ALOX12: variants seen among roughly 807,000 people sequenced by gnomAD.
ALOX12 encodes polyunsaturated fatty acid lipoxygenase ALOX12.
In ALOX12, 62 loss-of-function variants were observed where a neutral mutation model predicts 85.5. The ratio of observed to expected loss-of-function variants is 0.73; its 90% confidence interval spans 0.59 to 0.90. The LOEUF is 0.90. Ranked by LOEUF, ALOX12 falls within the 40% of genes least tolerant of loss-of-function variation. ALOX12 has a pLI of 0.00. For synonymous variants in ALOX12, 299 were observed against 332.7 expected (o/e 0.90, Z 1.10); for missense variants, 751 against 856.5 (o/e 0.88, Z 1.54).
At chr17:6,996,273 G>GAGCTAGGGC in intron 1 of ALOX12, 21 bp downstream of exon 1, 1 of 1,229,216 alleles carries the variant, frequency 8.1e-7, no homozygotes, top group Non-Finnish European at 1.0e-6. Flanking sequence ...GGAGCGAGGG[G>GAGCTAGGGC]AGCTAGGGCA....
At chr17:7,002,606 A>G in intron 8 of ALOX12, 1 of 438,016 alleles carries the variant, frequency 2.3e-6, no homozygotes, top group South Asian at 1.7e-5. Context: ...TGGGCAACAC[A>G]GCAAGTCCCG....
At position 6,997,041 on chromosome 17, in the gene ALOX12, G is replaced by C; in HGVS notation, c.337+14G>C. On this transcript the variant is annotated intron_variant, in intron 2 of 13. Transcript: ENST00000251535. ...CCGAGGGCACCGGTGAGCAGGCGGC[G>C]TCGGGGAAGGAGGCACAAGGTCTCG... 1 of 1,527,850 alleles carries C rather than the reference G, an allele frequency of 6.5e-7. No individual in the cohort carries two copies. Among genetic ancestry groups the C allele is most frequent in the Non-Finnish European group, 8.8e-7 (1 of 1,134,644 alleles). The allele number at this position is 1,527,850 out of a possible 1,614,324, so 94.6% of individuals were successfully genotyped here.
intron 11 of ALOX12, among the ~76,000 whole-genome samples, 200 bp downstream of exon 11, chr17:7,006,807 G>C (rs1020693982): frequency 3.3e-5 from 5 of 151,962 alleles, no homozygotes; most frequent in Non-Finnish European, 7.4e-5. Flanking sequence ...CCTCCTCAGA[G>C]ACCCTGGCCA....
chr17:6,997,184 A>G, intron 2 of ALOX12, 157 bp downstream of exon 2: 3 of 980,396 alleles, frequency 3.1e-6, no homozygotes, highest in Non-Finnish European at 3.6e-6. Flanking sequence ...GAAAACGGGA[A>G]GGAGTTATGA....
At chr17:6,999,131 G>GT (rs2151639530) in intron 5 of ALOX12, 75 bp downstream of exon 5, 1 of 1,517,544 alleles carries the variant, frequency 6.6e-7, no homozygotes, top group East Asian at 2.3e-5. Flanking sequence ...ACAGTCCCCC[G>GT]TAACTCTTTG....
intron 9 of ALOX12, among the ~76,000 whole-genome samples, chr17:7,005,634 C>G (rs1025552878): frequency 2.0e-5 from 3 of 151,934 alleles, no homozygotes; most frequent in Non-Finnish European, 2.9e-5. Flanking sequence ...GCGCCCGCCA[C>G]CATGCCCAGC....
rs771053399 is a variant in ALOX12 at position 7,005,361 on chromosome 17, C to T, written c.1248+18C>T. The T allele has an allele frequency of 1.3e-6, 2 of 1,588,102 alleles. No individual in the cohort carries two copies. Among genetic ancestry groups the T allele is most frequent in the South Asian group, 1.1e-5 (1 of 90,568 alleles). ...TTGATAAGGTGAGGAGGGTACGGGG[C>T]ATGGGACTGCCTCATCCATCTCTCC... On this transcript the variant is annotated intron_variant, in intron 9 of 13. Coordinates refer to ENST00000251535, the MANE Select transcript of ALOX12 (RefSeq NM_000697.3).
intron 2 of ALOX12, among the ~76,000 whole-genome samples, chr17:6,997,769 C>T (rs947077031): frequency 1.3e-5 from 2 of 151,854 alleles, no homozygotes; most frequent in Admixed American, 6.6e-5. Flanking sequence ...ACCGTATTAG[C>T]CAGGATGGTC....
intron 11 of ALOX12, 29 bp downstream of exon 11, chr17:7,006,636 C>G (rs759381245): frequency 1.3e-6 from 2 of 1,538,776 alleles, no homozygotes; most frequent in Non-Finnish European, 1.8e-6. Context: ...ACAGAAGAAG[C>G]TCCTGGGAGA....
At position 7,001,742 on chromosome 17, in the gene ALOX12, T is replaced by G. The variant is rs1042357; in HGVS notation, c.1092T>G (p.Thr364=). 0.58 allele frequency: 933,178 copies of G among 1,613,744 alleles called. 271,121 individuals carry two copies. Among genetic ancestry groups the G allele is most frequent in the Admixed American group, 0.68 (40,811 of 59,990 alleles). Residue 364 remains threonine (T), a synonymous_variant, in exon 8 of 14, where the codon ACT becomes ACG. Transcript: ENST00000251535. ...LHEIQYHLLN[T]HLVAEVIAVA... ...AGATCCAGTATCACTTGCTGAACAC[T>G]CACCTGGTGGCTGAGGTCATCGCTG... is the stretch of plus-strand genomic sequence containing the variant.
intron 7 of ALOX12, 111 bp from the exon 8 acceptor site, chr17:7,001,491 C>A: frequency 8.7e-7 from 1 of 1,150,308 alleles, no homozygotes. Flanking sequence ...TCCTGCTAGA[C>A]TATAACCTCC....
chr17:6,999,130 C>T (rs976475425), intron 5 of ALOX12, 74 bp downstream of exon 5: 31 of 1,520,842 alleles, frequency 2.0e-5, no homozygotes, highest in South Asian at 1.1e-4. Context: ...CACAGTCCCC[C>T]GTAACTCTTT....
At chr17:7,001,907 G>A in intron 8 of ALOX12, 96 bp downstream of exon 8, 1 of 1,073,464 alleles carries the variant, frequency 9.3e-7, no homozygotes, top group Non-Finnish European at 1.4e-6. Flanking sequence ...ACTCTTTGTA[G>A]CAATTTGTGA....
Position 7,010,544 on chromosome 17 carries a change from C to T in ALOX12, c.*121C>T, listed in dbSNP as rs935718128. On this transcript the variant is annotated 3_prime_UTR_variant, in exon 14 of 14. Transcript: ENST00000251535. ...GGCTCTATTTCCTCCCCCAGTTAAA[C>T]CCCCTACATTAGTATCCCACTAGCC... 1 of 1,237,744 alleles carries T rather than the reference C, an allele frequency of 8.1e-7. No individual in the cohort carries two copies. The highest frequency in any genetic ancestry group is 2.0e-4 in the Middle Eastern group (1 of 5,052). The allele number at this position is 1,237,744 out of a possible 1,614,324, so 76.7% of individuals were successfully genotyped here.
chr17:7,004,757 C>A (rs1312255947), intron 8 of ALOX12, among the ~76,000 whole-genome samples: 6 of 152,042 alleles, frequency 3.9e-5, no homozygotes, highest in Non-Finnish European at 8.8e-5. Flanking sequence ...GGAGATGCAG[C>A]TTTGATCATA....
At chr17:7,009,709 A>G (rs1909286949) in intron 11 of ALOX12, 38 bp from the exon 12 acceptor site, 2 of 1,550,884 alleles carry the variant, frequency 1.3e-6, no homozygotes, top group East Asian at 4.5e-5. Flanking sequence ...CTCTCCTCTT[A>G]TGCTGTAGCT....
chr17:6,997,851 C>G (rs997796731), intron 2 of ALOX12, among the ~76,000 whole-genome samples: 3 of 152,008 alleles, frequency 2.0e-5, no homozygotes, highest in Non-Finnish European at 4.4e-5. Flanking sequence ...TGAGCCACCA[C>G]GCCCGGCCCA....
chr17:7,002,914 T>C (rs995508960), intron 8 of ALOX12, among the ~76,000 whole-genome samples: 3 of 152,184 alleles, frequency 2.0e-5, no homozygotes, highest in Non-Finnish European at 2.9e-5. Context: ...TATGCAAGTA[T>C]GTCCTGGGTA....
chr17:7,006,057 G>T (rs764673157), intron 10 of ALOX12, 30 bp downstream of exon 10: 2 of 202,898 alleles, frequency 9.9e-6, no homozygotes, highest in African/African-American at 4.0e-5. Context: ...GAAATGGTGG[G>T]GCCGGGGGGG....
Sources: allele counts gnomAD v4.1 joint callset (sites outside exome capture counted in the v4.1 genomes callset), GRCh38; gene constraint gnomAD v4.1.1; transcripts MANE v1.5; gene names NCBI Gene and HGNC (gene_info 2026-07-23, HGNC 2026-07-21).